The following ZNF536 variants were observed in gnomAD, a reference collection of about 807,000 sequenced individuals.
The protein encoded by ZNF536 is zinc finger protein 536.
ZNF536 carries 13 observed loss-of-function variants against 84.5 expected under a neutral mutation model. The ratio of observed to expected loss-of-function variants is 0.15; its 90% CI spans 0.10 to 0.24. ZNF536 has a LOEUF of 0.24. Ranked by LOEUF, ZNF536 falls within the 10% of genes least tolerant of loss-of-function variation. The pLI, the probability that ZNF536 is intolerant of heterozygous loss-of-function variation, is 1.00. For synonymous variants in ZNF536, 811 were observed against 742.5 expected, an observed-to-expected ratio of 1.09 and a Z score of -1.50; for missense variants, 1,536 against 1,747.5, an observed-to-expected ratio of 0.88 and a Z score of 2.16.
chr19:30,412,721 A>G (rs997954093), intron 1 of ZNF536, among the ~76,000 whole-genome samples: 2 of 151,120 alleles, frequency 1.3e-5, no homozygotes, highest in African/African-American at 4.9e-5. Context: ...TTTGTCTTAT[A>G]TGCTATATCT....
At chr19:30,458,521 C>T (rs1022249766) in intron 2 of ZNF536, among the ~76,000 whole-genome samples, 5 of 143,480 alleles carry the variant, frequency 3.5e-5, no homozygotes, top group African/African-American at 1.1e-4. Context: ...GCGTGATCTC[C>T]GGTTCACTGC....
rs566347971 is a variant in ZNF536 at position 30,608,889 on chromosome 19, C to T, written c.169+59375C>T. Among the ~76,000 whole-genome samples the T allele has an allele frequency of 2.0e-5, 3 of 152,178 alleles. No individual in the cohort carries two copies. In the South Asian group the frequency reaches 6.2e-4, roughly 31 times the overall value. On this transcript the variant is annotated intron_variant, in intron 1 of 1. Transcript: ENST00000592773. ...TCAGAATGTTGCCTTGGAGCTTGGACCAGATTAAAACTCTAGTGCAGTCCC... is the reference window on the plus strand; with the variant it reads ...TCAGAATGTTGCCTTGGAGCTTGGATCAGATTAAAACTCTAGTGCAGTCCC...
chr19:30,660,385 C>G (rs539437954), intron 1 of ZNF536, among the ~76,000 whole-genome samples: 132 of 152,284 alleles, frequency 8.7e-4, no homozygotes, highest in African/African-American at 2.9e-3. Flanking sequence ...GCTGTTGACA[C>G]CCCTGGTTCT....
chr19:30,664,202 TTTTCTCTCTCTCTCTCTCTCTCTCTCTC>T lies in ZNF536; in HGVS notation c.170-46553_170-46526del, dbSNP rs1351752197. Among the ~76,000 whole-genome samples the T allele has an allele frequency of 2.3e-3, 272 of 118,506 alleles. 3 individuals carry two copies. Among genetic ancestry groups the T allele is most frequent in the South Asian group, 0.013 (47 of 3,732 alleles). The allele number at this position is 118,506 out of a possible 152,430, so 77.7% of individuals were successfully genotyped here. A position where few individuals can be genotyped will look rare whatever the true frequency, so the allele number is the denominator to read the frequency against. On this transcript the variant is annotated intron_variant, in intron 1 of 1. Transcript: ENST00000592773. ...GCTATCTAGAGGAATTCTTGCTGAG[TTTTCTCTCTCTCTCTCTCTCTCTCTCTC>T]TCTCTCTCTCTCTCTCTCTCTCTCT...
At chr19:30,320,854 C>T (rs73018847) in intron 2 of ZNF536, among the ~76,000 whole-genome samples, 27,608 of 152,040 alleles carry the variant, frequency 0.18, 3,139 homozygotes, top group East Asian at 0.44. Context: ...CACTGTGCGC[C>T]GGACGTGTCA....
intron 1 of ZNF536, among the ~76,000 whole-genome samples, chr19:30,613,123 G>A (rs536562934): frequency 8.4e-4 from 128 of 152,266 alleles, no homozygotes; most frequent in Non-Finnish European, 1.2e-3. Flanking sequence ...CAGTGCATCC[G>A]GTCAGGAGGA....
intron 2 of ZNF536, among the ~76,000 whole-genome samples, chr19:30,326,990 C>T (rs1284384193): frequency 2.0e-5 from 3 of 151,274 alleles, no homozygotes; most frequent in African/African-American, 7.3e-5. Context: ...ACCTATAGTC[C>T]CAGCTACTCA....
chr19:30,403,288 G>T (rs1418320474), intron 1 of ZNF536, among the ~76,000 whole-genome samples: 1 of 152,130 alleles, frequency 6.6e-6, no homozygotes, highest in East Asian at 1.9e-4. Context: ...TTTATAAGTT[G>T]TTCTTTACAT....
At chr19:30,362,705 T>G (rs971977575) in intron 3 of ZNF536, among the ~76,000 whole-genome samples, 5 of 152,092 alleles carry the variant, frequency 3.3e-5, no homozygotes, top group African/African-American at 1.2e-4. Flanking sequence ...CAAATCAAGA[T>G]TTTTTCTTTC....
chr19:30,547,807 A>C (rs535753408), intron 3 of ZNF536, 136 bp from the exon 4 acceptor site: 1 of 1,007,952 alleles, frequency 9.9e-7, no homozygotes, highest in South Asian at 2.1e-5. Context: ...TTATTCTTCT[A>C]TTAAAAAACA....
At chr19:30,402,800 T>TAA (rs1436586410) in intron 1 of ZNF536, among the ~76,000 whole-genome samples, 11 of 124,340 alleles carry the variant, frequency 8.8e-5, no homozygotes, top group African/African-American at 3.6e-4. Flanking sequence ...TTAAAAAATA[T>TAA]ATATATATAT....
chr19:30,517,708 G>A (rs2044141103), intron 2 of ZNF536, among the ~76,000 whole-genome samples: 1 of 152,154 alleles, frequency 6.6e-6, no homozygotes. Context: ...TTGGAGCCCA[G>A]GAGGTCGAGG....
chr19:30,586,238 C>T (rs143407867), intron 1 of ZNF536, among the ~76,000 whole-genome samples: 49 of 152,330 alleles, frequency 3.2e-4, no homozygotes, highest in Middle Eastern at 3.4e-3. Context: ...CTGGTTCCGT[C>T]GCTGGATGGA....
chr19:30,303,343 A>G (rs2046246654), intron 2 of ZNF536, among the ~76,000 whole-genome samples: 1 of 152,204 alleles, frequency 6.6e-6, no homozygotes, highest in African/African-American at 2.4e-5. Flanking sequence ...TGTGATGGCG[A>G]GAGAGGCAGG....
intron 2 of ZNF536, among the ~76,000 whole-genome samples, chr19:30,344,539 A>C (rs2047679475): frequency 6.6e-6 from 1 of 150,532 alleles, no homozygotes; most frequent in South Asian, 2.1e-4. Flanking sequence ...CCCTTCTCCG[A>C]GTCAGCACTG....
At position 30,248,744 on chromosome 19, in the gene ZNF536, G is replaced by A. The variant is rs114191950; in HGVS notation, c.-190+20071G>A. Reference sequence around the variant, plus strand: ...ATTAGTACTGTTCCAGGTATGTCTGGCTTTTGACCTTGGCCAGCAGTGGTT... The same window carrying A: ...ATTAGTACTGTTCCAGGTATGTCTGACTTTTGACCTTGGCCAGCAGTGGTT... On this transcript the variant is annotated intron_variant, in intron 1 of 5. Transcript: ENST00000585628. 2.9e-3 allele frequency among the ~76,000 whole-genome samples: 444 copies of A among 152,238 alleles called. 3 individuals carry two copies. Among genetic ancestry groups the A allele is most frequent in the African/African-American group, 0.01 (420 of 41,534 alleles).
At chr19:30,642,290 T>C (rs900972870) in intron 1 of ZNF536, among the ~76,000 whole-genome samples, 2 of 152,208 alleles carry the variant, frequency 1.3e-5, no homozygotes, top group Non-Finnish European at 2.9e-5. Flanking sequence ...ATATTGGTTG[T>C]TGCAAAGTAC....
intron 2 of ZNF536, among the ~76,000 whole-genome samples, chr19:30,326,289 A>T (rs1041215440): frequency 1.3e-5 from 2 of 152,142 alleles, no homozygotes; most frequent in African/African-American, 4.8e-5. Context: ...GAGGCCTGGG[A>T]TCCTTGGGAG....
intron 1 of ZNF536, among the ~76,000 whole-genome samples, chr19:30,277,896 A>C (rs2045296811): frequency 6.6e-6 from 1 of 152,172 alleles, no homozygotes; most frequent in African/African-American, 2.4e-5. Flanking sequence ...TTGGTATGTC[A>C]TGCCCTCTGG....
Sources: allele counts gnomAD v4.1 joint callset (sites outside exome capture counted in the v4.1 genomes callset), GRCh38; gene constraint gnomAD v4.1.1; transcripts MANE v1.5; gene names NCBI Gene and HGNC (gene_info 2026-07-23, HGNC 2026-07-21).